Variants in CYP26B1 observed in about 807,000 individuals in gnomAD.
The protein encoded by CYP26B1 is cytochrome P450 family 26 subfamily B member 1, also known as cytochrome P450 26B1.
A neutral mutation model predicts 39.1 loss-of-function variants in CYP26B1; 8 were observed. That is an observed-to-expected ratio of 0.20 (90% CI 0.12 to 0.37). CYP26B1 has a LOEUF of 0.37. CYP26B1 is among the 10% of genes least tolerant of loss of function. CYP26B1 has a pLI of 1.00. For missense variants in CYP26B1, 615 were observed against 707.0 expected (o/e 0.87, Z 1.48); for synonymous variants, 321 against 314.3 (o/e 1.02, Z -0.23).
chr2:72,138,680 G>C (rs1458993873), intron 2 of CYP26B1, among the ~76,000 whole-genome samples: 3 of 152,196 alleles, frequency 2.0e-5, no homozygotes, highest in Non-Finnish European at 4.4e-5. Context: ...GAGAGCAAGG[G>C]CACTGTCACA....
chr2:72,130,320 G>A lies in CYP26B1; in HGVS notation c.*1907C>T, dbSNP rs1233493444. On this transcript the variant is annotated 3_prime_UTR_variant, in exon 6 of 6. Coordinates refer to ENST00000001146, the MANE Select transcript of CYP26B1 (RefSeq NM_019885.4). ...ATTCTGGCCTGTTTTTCAGGATTAG[G>A]GATGAGCAATTTTGCCAATAATGTC... is the stretch of plus-strand genomic sequence containing the variant. The A allele has an allele frequency of 2.0e-5, 3 of 152,186 alleles. No homozygotes were observed. Among genetic ancestry groups the A allele is most frequent in the Non-Finnish European group, 4.4e-5 (3 of 68,034 alleles). 9.4% of individuals were successfully genotyped at this position (152,186 alleles called of 1,614,324 possible).
chr2:72,140,988 G>C, intron 2 of CYP26B1, among the ~76,000 whole-genome samples: 1 of 152,210 alleles, frequency 6.6e-6, no homozygotes, highest in East Asian at 1.9e-4. Context: ...CTGAGGTCCA[G>C]TCCTATCTCC....
Position 72,133,076 on chromosome 2 carries a change from A to G in CYP26B1, c.1093T>C (p.Phe365Leu), listed in dbSNP as rs1208901871. The change falls in exon 5 of 6, where the codon TTC becomes CTC. Residue 365 changes from phenylalanine (F) to leucine (L), a missense_variant. Physicochemically the swap from Phe to Leu is conservative, Grantham distance 22 (BLOSUM62 0). Coordinates refer to ENST00000001146, the MANE Select transcript of CYP26B1 (RefSeq NM_019885.4). ...CGGTAGCCGCCGGAAATGGGCGTGA[A>G]CAGGCGCATGACCTCCTTGATGACG... The part of the protein sequence containing the change: ...DCVIKEVMRL[F>L]TPISGGYRTV... 1 of 1,613,270 alleles carries G rather than the reference A, an allele frequency of 6.2e-7. No homozygotes were observed.
At chr2:72,141,239 G>A (rs1676933677) in intron 2 of CYP26B1, among the ~76,000 whole-genome samples, 1 of 152,198 alleles carries the variant, frequency 6.6e-6, no homozygotes, top group African/African-American at 2.4e-5. Context: ...TAACCCAGGA[G>A]GAGGGAGGGA....
At chr2:72,134,971 C>T (rs895839884) in intron 3 of CYP26B1, 55 bp from the exon 4 acceptor site, 54 of 1,608,088 alleles carry the variant, frequency 3.4e-5, no homozygotes, top group East Asian at 4.5e-5. Flanking sequence ...ATCTGAGCCT[C>T]GGGACCACCA....
Position 72,147,714 on chromosome 2 carries a change from G to C in CYP26B1, c.121C>G (p.Arg41Gly). The C allele has an allele frequency of 6.2e-7, 1 of 1,602,798 alleles. No homozygotes were observed. Among genetic ancestry groups the C allele is most frequent in the Non-Finnish European group, 8.5e-7 (1 of 1,175,402 alleles). ...QLWQLRWAAT[R>G]DKSCKLPIPK... ...ATGGGCAGCTTGCAGCTCTTGTCGC[G>C]AGTGGCGGCCCAGCGCAGCTGCCAC... Residue 41 changes from arginine (R) to glycine (G), a missense_variant, in exon 1 of 6, where the codon CGC becomes GGC. Physicochemically the swap from Arg to Gly is moderately radical, Grantham distance 125. Coordinates refer to ENST00000001146, the MANE Select transcript of CYP26B1 (RefSeq NM_019885.4). The surrounding 1 kb of genome is among the most constrained non-coding windows in gnomAD (Gnocchi z 6.1).
chr2:72,142,851 T>C (rs957900137), intron 2 of CYP26B1, among the ~76,000 whole-genome samples: 1 of 152,196 alleles, frequency 6.6e-6, no homozygotes. Context: ...AAATACATGC[T>C]GTATAAGGGA....
At chr2:72,146,012 AC>A (rs988605617) in intron 1 of CYP26B1, among the ~76,000 whole-genome samples, 4 of 151,688 alleles carry the variant, frequency 2.6e-5, no homozygotes, top group African/African-American at 9.7e-5. Context: ...CTGTACACGT[AC>A]CCCCTATTTC....
intron 1 of CYP26B1, 169 bp from the exon 2 acceptor site, chr2:72,144,382 T>C (rs1653119645): frequency 7.0e-7 from 1 of 1,432,896 alleles, no homozygotes; most frequent in African/African-American, 1.4e-5. Context: ...GCACAAGAAC[T>C]GCGAAGTAGG....
chr2:72,133,371 T>C, intron 4 of CYP26B1, 64 bp from the exon 5 acceptor site: 1 of 1,560,864 alleles, frequency 6.4e-7, no homozygotes, highest in South Asian at 1.2e-5. Flanking sequence ...GGCCGCCCCA[T>C]TCAGTCAGTG....
chr2:72,142,891 T>C (rs1352881465), intron 2 of CYP26B1: 2 of 166,602 alleles, frequency 1.2e-5, no homozygotes, highest in Non-Finnish European at 2.9e-5. Context: ...TGCAACCCAG[T>C]CTCCTCGGTT....
In CYP26B1 at chr2:72,134,919, G is replaced by A. The variant is rs903124525; in HGVS notation, c.706-3C>T. 7.4e-6 allele frequency: 12 copies of A among 1,613,532 alleles called. No homozygotes were observed. In the Admixed American group the frequency reaches 1.5e-4, roughly 20 times the overall value. Reference sequence around the variant, plus strand: ...AGGATCTGCCGAGCCTGAATGCCCTGCAGAGGTGAGGGCTGTCACTCATAT... The same window carrying A: ...AGGATCTGCCGAGCCTGAATGCCCTACAGAGGTGAGGGCTGTCACTCATAT... On this transcript the variant is annotated splice_polypyrimidine_tract_variant and splice_region_variant and intron_variant, in intron 3 of 5. Coordinates refer to ENST00000001146, the MANE Select transcript of CYP26B1 (RefSeq NM_019885.4).
rs1416736931 is a variant in CYP26B1 at position 72,144,510 on chromosome 2, G to A, written c.205-297C>T. ...TATCCCGGACAGCTGGACCCGAAGC[G>A]GGAGTCTCCGCCCCCACCCCCACCC... On this transcript the variant is annotated intron_variant, in intron 1 of 5. Coordinates refer to ENST00000001146, the MANE Select transcript of CYP26B1 (RefSeq NM_019885.4). 3.9e-5 allele frequency: 46 copies of A among 1,172,148 alleles called. No homozygotes were observed. In the African/African-American group the frequency reaches 7.2e-4, roughly 18 times the overall value. 72.6% of individuals were successfully genotyped at this position (1,172,148 alleles called of 1,614,324 possible). A position where few individuals can be genotyped will look rare whatever the true frequency, so the allele number is the denominator to read the frequency against.
Position 72,133,152 on chromosome 2 carries a change from G to A in CYP26B1, c.1017C>T (p.Cys339=), listed in dbSNP as rs775239122. The A allele has an allele frequency of 8.6e-5, 139 of 1,611,546 alleles. No individual in the cohort carries two copies. In the Admixed American group the frequency reaches 1.3e-3, roughly 15 times the overall value. Residue 339 remains cysteine, a synonymous_variant, in exon 5 of 6, where the codon TGC becomes TGT. Coordinates refer to ENST00000001146, the MANE Select transcript of CYP26B1 (RefSeq NM_019885.4). The part of the protein sequence containing the change: ...HGILHSGGCP[C]EGTLRLDTLS... ...GCGTGTCCAGGCGCAGTGTGCCCTC[G>A]CAGGGGCAGCCGCCACTGTGCAGGA...
At chr2:72,134,688 T>C (rs1676703661) in intron 4 of CYP26B1, 73 bp downstream of exon 4, 12 of 1,556,600 alleles carry the variant, frequency 7.7e-6, no homozygotes, top group South Asian at 1.2e-5. Flanking sequence ...GCTGGGCACA[T>C]TTCCACCCAG....
intron 2 of CYP26B1, among the ~76,000 whole-genome samples, chr2:72,137,000 G>C (rs375790373): frequency 6.6e-6 from 1 of 152,176 alleles, no homozygotes; most frequent in South Asian, 2.1e-4. Context: ...ATCACTCTGC[G>C]GCTACCAGGC....
intron 3 of CYP26B1, 28 bp from the exon 4 acceptor site, chr2:72,134,944 T>C (rs1676718087): frequency 3.7e-6 from 6 of 1,612,250 alleles, no homozygotes; most frequent in South Asian, 1.1e-5. Flanking sequence ...GTCACTCATA[T>C]GGAAGGGCAG....
Position 72,130,523 on chromosome 2 carries a change from C to A in CYP26B1, c.*1704G>T, listed in dbSNP as rs1193765340. On this transcript the variant is annotated 3_prime_UTR_variant, in exon 6 of 6. Transcript: ENST00000001146. ...GCCTACGGGATCTGGTCTGAGGGAG[C>A]CACTGAGGTGCTCACAGCAGCGATC... The A allele has an allele frequency of 6.6e-6, 1 of 152,168 alleles. No homozygotes were observed. Among genetic ancestry groups the A allele is most frequent in the Middle Eastern group, 3.2e-3 (1 of 316 alleles). The allele number at this position is 152,168 out of a possible 1,614,324, so 9.4% of individuals were successfully genotyped here.
intron 1 of CYP26B1, 170 bp from the exon 2 acceptor site, chr2:72,144,383 G>A (rs1677055568): frequency 7.0e-7 from 1 of 1,433,180 alleles, no homozygotes; most frequent in Non-Finnish European, 9.1e-7. Flanking sequence ...CACAAGAACT[G>A]CGAAGTAGGG....
Sources: allele counts gnomAD v4.1 joint callset (sites outside exome capture counted in the v4.1 genomes callset), GRCh38; gene constraint gnomAD v4.1.1; non-coding constraint Gnocchi (gnomAD v3.1); transcripts MANE v1.5; gene names NCBI Gene and HGNC (gene_info 2026-07-23, HGNC 2026-07-21).